UGT1A10: variants seen among roughly 807,000 people sequenced by gnomAD.
UGT1A10 encodes the protein UDP glucuronosyltransferase family 1 member A10.
Under a neutral mutation model 45.8 loss-of-function variants are expected in UGT1A10, and 49 were observed. The ratio of observed to expected loss-of-function variants is 1.07; its 90% CI spans 0.85 to 1.36. The LOEUF is 1.36. Among genes scored for constraint, UGT1A10 ranks in the 40% most tolerant of loss-of-function variants. The pLI, the probability that UGT1A10 is intolerant of heterozygous loss-of-function variation, is 0.00. For missense variants in UGT1A10, 745 were observed against 668.6 expected, an observed-to-expected ratio of 1.11 and a Z score of -1.26; for synonymous variants, 284 against 249.7, an observed-to-expected ratio of 1.14 and a Z score of -1.29.
In UGT1A10 at chr2:233,740,888, C is replaced by A. The variant is rs557749460; in HGVS notation, c.856-26146C>A. On this transcript the variant is annotated intron_variant, in intron 1 of 4. Coordinates refer to ENST00000344644, the MANE Select transcript of UGT1A10 (RefSeq NM_019075.4). ...TTTAAATAAAATGCTCTTGCAGGGA[C>A]AACATAGTAGGTCAACATTGTTCCC... The A allele has an allele frequency of 9.3e-5, 14 of 150,988 alleles. No individual in the cohort carries two copies. In the East Asian group the frequency reaches 9.7e-4, roughly 10 times the overall value. The allele number at this position is 150,988 out of a possible 1,614,324, so 9.4% of individuals were successfully genotyped here. A position where few individuals can be genotyped will look rare whatever the true frequency, so the allele number is the denominator to read the frequency against.
chr2:233,715,132 C>A (rs2076434193), intron 1 of UGT1A10, among the ~76,000 whole-genome samples: 1 of 152,136 alleles, frequency 6.6e-6, no homozygotes, highest in Non-Finnish European at 1.5e-5. Flanking sequence ...GTGATTCACT[C>A]ACCTCAGCCT....
chr2:233,694,648 C>CT (rs745676395), intron 1 of UGT1A10, among the ~76,000 whole-genome samples: 1 of 152,166 alleles, frequency 6.6e-6, no homozygotes, highest in Non-Finnish European at 1.5e-5. Context: ...TTTCCAGTTC[C>CT]TTTTTTATCA....
At chr2:233,681,168 A>G (rs2074512154) in intron 1 of UGT1A10, among the ~76,000 whole-genome samples, 1 of 151,850 alleles carries the variant, frequency 6.6e-6, no homozygotes, top group African/African-American at 2.4e-5. Context: ...GGTCAACGCT[A>G]AGACCCTTGC....
intron 1 of UGT1A10, among the ~76,000 whole-genome samples, chr2:233,700,439 G>T (rs2075564242): frequency 6.6e-6 from 1 of 152,158 alleles, no homozygotes; most frequent in African/African-American, 2.4e-5. Context: ...CTAAAGAGTA[G>T]CTGAATGCTA....
intron 1 of UGT1A10, among the ~76,000 whole-genome samples, chr2:233,696,656 A>G (rs1320841888): frequency 6.6e-6 from 1 of 152,188 alleles, no homozygotes; most frequent in Non-Finnish European, 1.5e-5. Flanking sequence ...GACTTCCAGT[A>G]CTATGAAGAA....
At chr2:233,757,048 T>G (rs536754863) in intron 1 of UGT1A10, among the ~76,000 whole-genome samples, 1 of 151,428 alleles carries the variant, frequency 6.6e-6, no homozygotes, top group South Asian at 2.1e-4. Flanking sequence ...AAAGGAAGTT[T>G]GGGGAACAGC....
chr2:233,690,266 G>T (rs574382327), intron 1 of UGT1A10, among the ~76,000 whole-genome samples: 2 of 152,234 alleles, frequency 1.3e-5, no homozygotes, highest in Non-Finnish European at 2.9e-5. Flanking sequence ...CAAACATTTT[G>T]CAGGTCCTTT....
intron 1 of UGT1A10, among the ~76,000 whole-genome samples, chr2:233,766,597 G>A (rs1228112720): frequency 6.6e-6 from 1 of 152,126 alleles, no homozygotes; most frequent in Non-Finnish European, 1.5e-5. Flanking sequence ...CCTCGCCAGG[G>A]ACCACACCCT....
chr2:233,755,207 C>T, intron 1 of UGT1A10: 1 of 1,062,486 alleles, frequency 9.4e-7, no homozygotes, highest in South Asian at 1.2e-5. Flanking sequence ...TGCGGTACGC[C>T]TTCTTGATAC....
At chr2:233,640,377 C>A (rs1427433859) in intron 1 of UGT1A10, among the ~76,000 whole-genome samples, 1 of 152,020 alleles carries the variant, frequency 6.6e-6, no homozygotes, top group African/African-American at 2.4e-5. Context: ...GTCATTCCAT[C>A]ATTGAATATT....
Position 233,769,621 on chromosome 2 carries a change from A to G in UGT1A10, c.1295+1182A>G. 2 of 1,612,498 alleles carry G rather than the reference A, an allele frequency of 1.2e-6. No homozygotes were observed. The highest frequency in any genetic ancestry group is 1.7e-5 in the Admixed American group (1 of 59,994). On this transcript the variant is annotated intron_variant, in intron 4 of 4. Transcript: ENST00000344644. The surrounding 1 kb of genome is among the most constrained non-coding windows in gnomAD (Gnocchi z 4.4). Reference sequence around the variant, plus strand: ...ACACGGGGACACACCAGCTTGAGCAAGGGACAACAGGGGAGGACTGATGAC... The same window carrying G: ...ACACGGGGACACACCAGCTTGAGCAGGGGACAACAGGGGAGGACTGATGAC...
chr2:233,747,315 A>C (rs1575682403), intron 1 of UGT1A10: 2 of 1,603,160 alleles, frequency 1.2e-6, no homozygotes, highest in Non-Finnish European at 1.7e-6. Context: ...TGCTGGTGGT[A>C]CCCATTGATG....
chr2:233,666,773 A>T (rs1683580665), intron 1 of UGT1A10, among the ~76,000 whole-genome samples: 1 of 150,212 alleles, frequency 6.7e-6, no homozygotes, highest in Admixed American at 6.6e-5. Flanking sequence ...AACCTTAGGT[A>T]TCTCTCCTAA....
intron 1 of UGT1A10, chr2:233,719,283 A>G: frequency 1.2e-6 from 2 of 1,614,074 alleles, no homozygotes; most frequent in Non-Finnish European, 1.7e-6. Flanking sequence ...AGACCCCGTT[A>G]ACCTCTGTGG....
chr2:233,646,972 G>T (rs898265235), intron 1 of UGT1A10, among the ~76,000 whole-genome samples: 2 of 152,182 alleles, frequency 1.3e-5, no homozygotes, highest in South Asian at 2.1e-4. Context: ...AAAAGACAGA[G>T]GTTTAATTGA....
At chr2:233,743,383 G>A (rs1366748505) in intron 1 of UGT1A10, 1 of 1,197,714 alleles carries the variant, frequency 8.3e-7, no homozygotes, top group Non-Finnish European at 1.1e-6. Context: ...ACTACCGTAG[G>A]ACATGCAGAA....
intron 1 of UGT1A10, among the ~76,000 whole-genome samples, chr2:233,667,707 A>G (rs1397443986): frequency 6.6e-6 from 1 of 152,234 alleles, no homozygotes; most frequent in Non-Finnish European, 1.5e-5. Context: ...CAGCCCCATC[A>G]AAAAGTGGGT....
chr2:233,652,143 G>T (rs902855261), intron 1 of UGT1A10, among the ~76,000 whole-genome samples: 5 of 152,198 alleles, frequency 3.3e-5, no homozygotes, highest in Admixed American at 6.5e-5. Flanking sequence ...GGAGGTGACT[G>T]CACAGCAAGA....
chr2:233,760,978 G>A, intron 1 of UGT1A10: 1 of 1,614,208 alleles, frequency 6.2e-7, no homozygotes, highest in Non-Finnish European at 8.5e-7. Flanking sequence ...TTCCCCGTAT[G>A]CAACCCTTGC....
Sources: allele counts gnomAD v4.1 joint callset (sites outside exome capture counted in the v4.1 genomes callset), GRCh38; gene constraint gnomAD v4.1.1; non-coding constraint Gnocchi (gnomAD v3.1); transcripts MANE v1.5; gene names NCBI Gene and HGNC (gene_info 2026-07-23, HGNC 2026-07-21).